The following SPOCK1 variants were observed in gnomAD, a reference collection of about 807,000 sequenced individuals.
SPOCK1 encodes testican-1.
Under a neutral mutation model 55.3 loss-of-function variants are expected in SPOCK1, and 23 were observed. The observed-to-expected ratio is 0.42, with a 90% CI of 0.30 to 0.59. The LOEUF (loss-of-function observed/expected upper bound fraction) is 0.59, where lower values mean the gene tolerates loss of function less well. SPOCK1 is among the 20% of genes least tolerant of loss of function. The probability of loss-of-function intolerance (pLI) is 0.22; values close to 1 mark genes in which losing one functional copy is unlikely to be tolerated. For missense variants in SPOCK1, 499 were observed against 552.5 expected (o/e 0.90, Z 0.97); for synonymous variants, 226 against 221.0 (o/e 1.02, Z -0.20).
intron 6 of SPOCK1, among the ~76,000 whole-genome samples, chr5:137,035,849 A>G (rs1469902694): frequency 6.6e-6 from 1 of 152,186 alleles, no homozygotes; most frequent in Admixed American, 6.5e-5. Flanking sequence ...GGAGAGACCA[A>G]TGCCAAGATA....
At chr5:137,421,412 T>C (rs557296284) in intron 2 of SPOCK1, among the ~76,000 whole-genome samples, 2 of 152,310 alleles carry the variant, frequency 1.3e-5, no homozygotes, top group South Asian at 2.1e-4. Context: ...AAGTCTCCCA[T>C]TATTATTGTG....
At chr5:137,475,568 C>CTTTATTTA (rs34929130) in intron 2 of SPOCK1, among the ~76,000 whole-genome samples, 5,826 of 150,082 alleles carry the variant, frequency 0.039, 108 homozygotes, top group Non-Finnish European at 0.044. Flanking sequence ...CCTAAAGTAT[C>CTTTATTTA]TTTATTTATT....
chr5:137,448,764 C>T (rs192891498), intron 2 of SPOCK1, among the ~76,000 whole-genome samples: 6 of 152,288 alleles, frequency 3.9e-5, no homozygotes, highest in African/African-American at 7.2e-5. Flanking sequence ...TCAGGTTCTC[C>T]GTTGTTTCAT....
At chr5:137,482,979 C>T (rs1442629788) in intron 2 of SPOCK1, among the ~76,000 whole-genome samples, 1 of 152,236 alleles carries the variant, frequency 6.6e-6, no homozygotes, top group Non-Finnish European at 1.5e-5. Context: ...AAAAATCATA[C>T]AGTCTTTATT....
chr5:137,068,881 G>T (rs765637538), intron 5 of SPOCK1, among the ~76,000 whole-genome samples: 3 of 152,106 alleles, frequency 2.0e-5, no homozygotes, highest in African/African-American at 7.2e-5. Context: ...GATCAAGACC[G>T]GTGTGTAATC....
At chr5:137,150,568 C>T (rs1453143868) in intron 3 of SPOCK1, among the ~76,000 whole-genome samples, 1 of 151,928 alleles carries the variant, frequency 6.6e-6, no homozygotes, top group Non-Finnish European at 1.5e-5. Flanking sequence ...AAAAGAAGAG[C>T]TTGGTTAGGG....
At chr5:137,377,805 CA>C (rs1751354477) in intron 2 of SPOCK1, among the ~76,000 whole-genome samples, 1 of 151,944 alleles carries the variant, frequency 6.6e-6, no homozygotes, top group African/African-American at 2.4e-5. Flanking sequence ...GTTCCAAGAT[CA>C]ACAAATGAAT....
At chr5:136,999,162 G>C (rs1334564203) in intron 6 of SPOCK1, among the ~76,000 whole-genome samples, 1 of 152,190 alleles carries the variant, frequency 6.6e-6, no homozygotes, top group Non-Finnish European at 1.5e-5. Flanking sequence ...GCTGATGGGA[G>C]GGAGAAGGAG....
intron 2 of SPOCK1, among the ~76,000 whole-genome samples, chr5:137,484,717 T>C (rs1248526853): frequency 6.6e-6 from 1 of 152,150 alleles, no homozygotes; most frequent in Non-Finnish European, 1.5e-5. Context: ...ATTGTAAATG[T>C]AGAAAGACTC....
intron 2 of SPOCK1, among the ~76,000 whole-genome samples, chr5:137,379,962 G>T (rs1279628732): frequency 6.6e-6 from 1 of 152,164 alleles, no homozygotes; most frequent in Non-Finnish European, 1.5e-5. Flanking sequence ...ACTAAATATT[G>T]CCACTTTAAC....
intron 6 of SPOCK1, among the ~76,000 whole-genome samples, chr5:136,994,402 G>A (rs1241848618): frequency 6.6e-6 from 1 of 152,134 alleles, no homozygotes; most frequent in South Asian, 2.1e-4. Context: ...AGACAAGTCA[G>A]CCTCCAGCAC....
intron 2 of SPOCK1, among the ~76,000 whole-genome samples, chr5:137,329,156 G>C (rs1454453622): frequency 6.6e-6 from 1 of 152,162 alleles, no homozygotes; most frequent in Non-Finnish European, 1.5e-5. Context: ...AGAACAAAAA[G>C]GCTAGGGAAG....
chr5:137,475,558 C>T (rs757251423), intron 2 of SPOCK1, among the ~76,000 whole-genome samples: 2 of 149,946 alleles, frequency 1.3e-5, no homozygotes, highest in Non-Finnish European at 3.0e-5. Context: ...TAATGTATCA[C>T]CTAAAGTATC....
At chr5:137,093,333 C>T (rs1753081517) in intron 5 of SPOCK1, among the ~76,000 whole-genome samples, 1 of 152,190 alleles carries the variant, frequency 6.6e-6, no homozygotes, top group Admixed American at 6.5e-5. Flanking sequence ...TGGAGAGATT[C>T]TGGACTAAAA....
At chr5:137,086,858 T>G (rs2127016987) in intron 5 of SPOCK1, among the ~76,000 whole-genome samples, 1 of 152,158 alleles carries the variant, frequency 6.6e-6, no homozygotes, top group East Asian at 1.9e-4. Context: ...TCCCTTCTAC[T>G]AAGTTTTTTA....
chr5:137,315,450 A>AC (rs778649245), intron 2 of SPOCK1, among the ~76,000 whole-genome samples: 122 of 151,538 alleles, frequency 8.1e-4, no homozygotes, highest in African/African-American at 2.9e-3. Context: ...GCATCCCACA[A>AC]CCCCCCCACC....
intron 3 of SPOCK1, among the ~76,000 whole-genome samples, chr5:137,205,834 T>A (rs1445478175): frequency 6.6e-6 from 1 of 152,220 alleles, no homozygotes; most frequent in Non-Finnish European, 1.5e-5. Context: ...AGCACTTACA[T>A]GTACTCGGCA....
At chr5:137,146,386 G>T (rs1754193796) in intron 3 of SPOCK1, among the ~76,000 whole-genome samples, 1 of 152,136 alleles carries the variant, frequency 6.6e-6, no homozygotes, top group South Asian at 2.1e-4. Flanking sequence ...TCTTCCTCAG[G>T]CCAGAGGCCA....
intron 3 of SPOCK1, among the ~76,000 whole-genome samples, chr5:137,264,801 G>A (rs555537452): frequency 1.3e-5 from 2 of 151,948 alleles, no homozygotes; most frequent in Non-Finnish European, 2.9e-5. Flanking sequence ...CATTTTTATT[G>A]AGCCGCACAC....
Sources: gnomAD v4.1 joint callset for allele counts (sites outside exome capture counted in the v4.1 genomes callset) on GRCh38, gnomAD v4.1.1 for gene constraint, MANE v1.5 for transcripts, NCBI Gene and HGNC (gene_info 2026-07-23, HGNC 2026-07-21) for gene names.